ZRANB3: variants seen among roughly 807,000 people sequenced by gnomAD.
ZRANB3 encodes DNA annealing helicase and endonuclease ZRANB3.
In ZRANB3, 125 loss-of-function variants were observed where a neutral mutation model predicts 133.8. The observed-to-expected ratio is 0.93, with a 90% CI of 0.81 to 1.08. The LOEUF is 1.08. Among genes scored for constraint, ZRANB3 ranks in the 50% least tolerant of loss-of-function variants. ZRANB3 has a pLI of 0.00. For synonymous variants in ZRANB3, 387 were observed against 432.7 expected, an observed-to-expected ratio of 0.89 and a Z score of 1.31; for missense variants, 1,229 against 1,275.5, an observed-to-expected ratio of 0.96 and a Z score of 0.56.
intron 11 of ZRANB3, among the ~76,000 whole-genome samples, chr2:135,268,436 G>A (rs1403762159): frequency 9.2e-5 from 14 of 152,074 alleles, no homozygotes; most frequent in Admixed American, 8.5e-4. Flanking sequence ...CAAAGTGCTG[G>A]GATTAGAGGC....
chr2:135,459,257 A>G (rs541445067), intron 2 of ZRANB3, among the ~76,000 whole-genome samples: 2 of 152,308 alleles, frequency 1.3e-5, no homozygotes, highest in South Asian at 4.1e-4. Context: ...TCTCTTAAAC[A>G]TAAGACTACT....
At chr2:135,279,358 T>G (rs187658059) in intron 8 of ZRANB3, among the ~76,000 whole-genome samples, 1 of 152,332 alleles carries the variant, frequency 6.6e-6, no homozygotes, top group East Asian at 1.9e-4. Context: ...GTAGGGGCTG[T>G]TAAGAACTTT....
At chr2:135,505,315 C>A (rs939362660) in intron 1 of ZRANB3, among the ~76,000 whole-genome samples, 5 of 152,100 alleles carry the variant, frequency 3.3e-5, no homozygotes, top group Admixed American at 1.3e-4. Flanking sequence ...GTGGCTCACG[C>A]CTGTAATCCT....
At chr2:135,314,773 G>A (rs1031422403) in intron 7 of ZRANB3, among the ~76,000 whole-genome samples, 3 of 150,574 alleles carry the variant, frequency 2.0e-5, no homozygotes, top group African/African-American at 7.3e-5. Flanking sequence ...TTTTGAGATG[G>A]AGTCTCGCTC....
intron 3 of ZRANB3, among the ~76,000 whole-genome samples, chr2:135,365,229 T>G (rs1284832697): frequency 6.6e-6 from 1 of 152,174 alleles, no homozygotes; most frequent in Non-Finnish European, 1.5e-5. Flanking sequence ...ATTGCACCAC[T>G]GCACTCCAGC....
At chr2:135,266,465 C>T (rs13430353) in intron 11 of ZRANB3, among the ~76,000 whole-genome samples, 3 of 152,020 alleles carry the variant, frequency 2.0e-5, no homozygotes, top group Non-Finnish European at 4.4e-5. Context: ...GAGTCTGGCA[C>T]CTTTTAAAGT....
Position 135,219,164 on chromosome 2 carries a change from C to T in ZRANB3, c.2265G>A (p.Met755Ile). 2.6e-6 allele frequency: 4 copies of T among 1,526,694 alleles called. No homozygotes were observed. The highest frequency in any genetic ancestry group is 3.5e-6 in the Non-Finnish European group (4 of 1,143,224). The allele number at this position is 1,526,694 out of a possible 1,614,324, so 94.6% of individuals were successfully genotyped here. ...IHIYTKDGKQ[M>I]SCNFIPLDIK... ...TATCCAGAGGAATGAAATTACAGCT[C>T]ATCTGTTTTCCATCCTGATGATAGA... is the stretch of plus-strand genomic sequence containing the variant. The change falls in exon 16 of 21, where the codon ATG (methionine) becomes ATA (isoleucine). Residue 755 changes from methionine (M) to isoleucine (I), a missense_variant. By Grantham distance (10) the Met-to-Ile change is conservative. Transcript: ENST00000264159.
At chr2:135,265,970 G>C (rs2105113060) in intron 11 of ZRANB3, among the ~76,000 whole-genome samples, 1 of 152,288 alleles carries the variant, frequency 6.6e-6, no homozygotes, top group Admixed American at 6.5e-5. Context: ...AGTACTTTGG[G>C]AGGCCAAGGG....
chr2:135,519,647 T>C (rs1044889962), intron 1 of ZRANB3, among the ~76,000 whole-genome samples: 3 of 152,204 alleles, frequency 2.0e-5, no homozygotes, highest in African/African-American at 7.2e-5. Flanking sequence ...TTATATCCTA[T>C]GAAAAGTAAT....
At chr2:135,386,446 G>A (rs1373346062) in intron 3 of ZRANB3, among the ~76,000 whole-genome samples, 1 of 152,180 alleles carries the variant, frequency 6.6e-6, no homozygotes, top group African/African-American at 2.4e-5. Flanking sequence ...ATTCCTCAGG[G>A]ATCCAGAACC....
At chr2:135,528,131 C>T (rs1410142055) in intron 1 of ZRANB3, among the ~76,000 whole-genome samples, 1 of 151,746 alleles carries the variant, frequency 6.6e-6, no homozygotes, top group African/African-American at 2.4e-5. Flanking sequence ...GGGCCTCAGA[C>T]CTTAAAGCTC....
chr2:135,357,824 T>C (rs1685505546), intron 3 of ZRANB3, among the ~76,000 whole-genome samples: 1 of 152,218 alleles, frequency 6.6e-6, no homozygotes, highest in Non-Finnish European at 1.5e-5. Flanking sequence ...TATTTTCTAA[T>C]TTAACACCAG....
At chr2:135,236,425 T>C (rs1695286856) in intron 12 of ZRANB3, among the ~76,000 whole-genome samples, 3 of 152,172 alleles carry the variant, frequency 2.0e-5, no homozygotes, top group African/African-American at 4.8e-5. Context: ...CTTCACAGAA[T>C]TGGAAAAAAC....
At chr2:135,444,585 C>T (rs1029711775) in intron 2 of ZRANB3, among the ~76,000 whole-genome samples, 3 of 151,882 alleles carry the variant, frequency 2.0e-5, no homozygotes, top group South Asian at 2.1e-4. Flanking sequence ...ACTTCAACTA[C>T]GTGAAATTTA....
chr2:135,296,984 C>T (rs1420318899), intron 8 of ZRANB3, among the ~76,000 whole-genome samples: 1 of 152,206 alleles, frequency 6.6e-6, no homozygotes, highest in Non-Finnish European at 1.5e-5. Context: ...TCAGTCCGCC[C>T]CTACTGGGGG....
intron 2 of ZRANB3, among the ~76,000 whole-genome samples, chr2:135,437,001 C>T (rs565058751): frequency 6.6e-6 from 1 of 152,226 alleles, no homozygotes; most frequent in South Asian, 2.1e-4. Flanking sequence ...GCTCTGTTGC[C>T]CAGGCTGGAG....
intron 12 of ZRANB3, among the ~76,000 whole-genome samples, chr2:135,254,029 C>A (rs1239803699): frequency 6.6e-6 from 1 of 152,188 alleles, no homozygotes; most frequent in Admixed American, 6.5e-5. Context: ...TCCTCTCCAA[C>A]TGGTTACTGC....
At chr2:135,269,516 G>T (rs1680410981) in intron 10 of ZRANB3, among the ~76,000 whole-genome samples, 1 of 152,132 alleles carries the variant, frequency 6.6e-6, no homozygotes, top group African/African-American at 2.4e-5. Context: ...CAGGCAGAGA[G>T]CATTTACATC....
chr2:135,504,245 C>T (rs761852452), intron 2 of ZRANB3, 84 bp downstream of exon 2: 22 of 1,534,906 alleles, frequency 1.4e-5, no homozygotes, highest in Admixed American at 1.7e-5. Flanking sequence ...TGTGAATACA[C>T]GAAAAGAAAG....
Sources: gnomAD v4.1 joint callset for allele counts (sites outside exome capture counted in the v4.1 genomes callset) on GRCh38, gnomAD v4.1.1 for gene constraint, MANE v1.5 for transcripts, NCBI Gene and HGNC (gene_info 2026-07-23, HGNC 2026-07-21) for gene names.